The following CHCHD3 variants were observed in gnomAD, a reference collection of about 807,000 sequenced individuals.
The protein encoded by CHCHD3 is coiled-coil-helix-coiled-coil-helix domain containing 3, also known as MICOS complex subunit MIC19.
In CHCHD3, 20 loss-of-function variants were observed where a neutral mutation model predicts 38.2. The ratio of observed to expected loss-of-function variants is 0.52; its 90% confidence interval spans 0.37 to 0.76. The LOEUF is 0.76. CHCHD3 is among the 30% of genes least tolerant of loss of function. CHCHD3 has a pLI of 0.00. For missense variants in CHCHD3, 245 were observed against 279.2 expected (o/e 0.88, Z 0.87); for synonymous variants, 82 against 100.0 (o/e 0.82, Z 1.07).
intron 6 of CHCHD3, among the ~76,000 whole-genome samples, chr7:132,800,861 T>C (rs191970803): frequency 2.6e-5 from 4 of 151,978 alleles, no homozygotes; most frequent in Admixed American, 2.6e-4. Flanking sequence ...AGGAGAATTC[T>C]ATTTTTTTTT....
intron 6 of CHCHD3, among the ~76,000 whole-genome samples, chr7:132,812,887 C>T (rs986707725): frequency 2.0e-5 from 3 of 152,206 alleles, no homozygotes; most frequent in Non-Finnish European, 2.9e-5. Flanking sequence ...CCTTCCTCAG[C>T]GTCTTAACAT....
intron 4 of CHCHD3, among the ~76,000 whole-genome samples, chr7:132,965,862 C>T (rs1046646402): frequency 2.0e-5 from 3 of 152,154 alleles, no homozygotes; most frequent in African/African-American, 7.2e-5. Flanking sequence ...AAGTATGGAA[C>T]TTTGTAATCA....
At chr7:132,922,070 C>T (rs1229505114) in intron 4 of CHCHD3, among the ~76,000 whole-genome samples, 2 of 152,154 alleles carry the variant, frequency 1.3e-5, no homozygotes, top group African/African-American at 2.4e-5. Flanking sequence ...ACTTGACCAG[C>T]TTTCTTAAGC....
chr7:132,970,994 G>T (rs1359754956), intron 4 of CHCHD3, among the ~76,000 whole-genome samples: 1 of 152,030 alleles, frequency 6.6e-6, no homozygotes, highest in Non-Finnish European at 1.5e-5. Context: ...GCATAATGTA[G>T]TAAGACATAA....
At chr7:132,972,430 A>T (rs1007597619) in intron 4 of CHCHD3, 4 of 290,836 alleles carry the variant, frequency 1.4e-5, no homozygotes, top group Non-Finnish European at 2.1e-5. Flanking sequence ...AAAGGAATAT[A>T]AACACAACAA....
chr7:133,059,685 T>C (rs1369498250), intron 2 of CHCHD3, among the ~76,000 whole-genome samples: 2 of 152,188 alleles, frequency 1.3e-5, no homozygotes, highest in Non-Finnish European at 2.9e-5. Context: ...TCCTTGGGTC[T>C]GCTACGATTG....
At chr7:132,898,111 C>T (rs1231091621) in intron 4 of CHCHD3, among the ~76,000 whole-genome samples, 3 of 152,090 alleles carry the variant, frequency 2.0e-5, no homozygotes, top group Non-Finnish European at 4.4e-5. Context: ...AGCTGCAGAC[C>T]TTCGCGGTGA....
intron 5 of CHCHD3, among the ~76,000 whole-genome samples, chr7:132,862,323 TTGGTTTCA>T (rs1454859816): frequency 6.6e-6 from 1 of 152,202 alleles, no homozygotes; most frequent in African/African-American, 2.4e-5. Flanking sequence ...TACTGCAGGT[TTGGTTTCA>T]CACTATCACA....
intron 3 of CHCHD3, among the ~76,000 whole-genome samples, chr7:133,003,759 T>G (rs528702340): frequency 6.6e-6 from 1 of 152,310 alleles, no homozygotes; most frequent in East Asian, 1.9e-4. Flanking sequence ...CTAACCCACC[T>G]GTTCTATTAC....
chr7:133,016,625 G>A (rs946285972), intron 3 of CHCHD3, among the ~76,000 whole-genome samples: 2 of 152,170 alleles, frequency 1.3e-5, no homozygotes, highest in Non-Finnish European at 2.9e-5. Flanking sequence ...ATAATCTGGA[G>A]AGAAAATTTA....
At chr7:132,842,551 G>T (rs1244210590) in intron 5 of CHCHD3, among the ~76,000 whole-genome samples, 1 of 152,032 alleles carries the variant, frequency 6.6e-6, no homozygotes, top group Non-Finnish European at 1.5e-5. Context: ...CTTAATCTTG[G>T]ATCCTATGTT....
chr7:132,794,428 A>G (rs1806549955), intron 7 of CHCHD3, among the ~76,000 whole-genome samples: 1 of 152,196 alleles, frequency 6.6e-6, no homozygotes, highest in African/African-American at 2.4e-5. Context: ...AGGTTGTCAT[A>G]AAAAAACAAG....
intron 2 of CHCHD3, among the ~76,000 whole-genome samples, chr7:133,052,401 T>C (rs976841758): frequency 6.6e-6 from 1 of 152,108 alleles, no homozygotes; most frequent in African/African-American, 2.4e-5. Context: ...ACCACCACCA[T>C]CATACTTGAA....
chr7:133,082,058 G>C lies in CHCHD3; in HGVS notation c.-121C>G, dbSNP rs1041947366. The C allele has an allele frequency of 1.2e-5, 11 of 904,154 alleles. No homozygotes were observed. The East Asian group carries it at 2.7e-4, about 22-fold the overall frequency. The allele number at this position is 904,154 out of a possible 1,614,324, so 56.0% of individuals were successfully genotyped here. On this transcript the variant is annotated 5_prime_UTR_variant, in exon 1 of 8. Coordinates refer to ENST00000262570, the MANE Select transcript of CHCHD3 (RefSeq NM_017812.4). ...TCCCGCACAGCGGGAGCAAGGCCAC[G>C]ACCCCCAGAAGCAAGGAGAAGGCGC...
intron 4 of CHCHD3, among the ~76,000 whole-genome samples, chr7:132,891,087 A>G (rs1339098984): frequency 6.6e-6 from 1 of 152,238 alleles, no homozygotes; most frequent in Non-Finnish European, 1.5e-5. Flanking sequence ...GAAGCTGTAA[A>G]ACATGATCAC....
intron 4 of CHCHD3, among the ~76,000 whole-genome samples, chr7:132,886,745 T>C (rs1020383379): frequency 6.6e-6 from 1 of 151,646 alleles, no homozygotes; most frequent in Non-Finnish European, 1.5e-5. Flanking sequence ...AAAGTATATA[T>C]ATTACTTTTA....
intron 5 of CHCHD3, among the ~76,000 whole-genome samples, chr7:132,853,291 C>G (rs1808263005): frequency 6.6e-6 from 1 of 152,174 alleles, no homozygotes; most frequent in Non-Finnish European, 1.5e-5. Flanking sequence ...AGGAAGTTAT[C>G]TGTGTCACCT....
chr7:133,069,524 T>A (rs1814760990), intron 2 of CHCHD3, among the ~76,000 whole-genome samples: 1 of 152,214 alleles, frequency 6.6e-6, no homozygotes, highest in Admixed American at 6.5e-5. Flanking sequence ...AGAACAGTGC[T>A]GGACACATAG....
intron 6 of CHCHD3, among the ~76,000 whole-genome samples, chr7:132,821,348 G>A (rs1489110340): frequency 3.3e-5 from 5 of 152,174 alleles, no homozygotes; most frequent in Non-Finnish European, 7.3e-5. Context: ...TTTGGGTGGG[G>A]TGGAAAATGA....
Sources: allele counts gnomAD v4.1 joint callset (sites outside exome capture counted in the v4.1 genomes callset), GRCh38; gene constraint gnomAD v4.1.1; transcripts MANE v1.5; gene names NCBI Gene and HGNC (gene_info 2026-07-23, HGNC 2026-07-21).